The following WBP1L variants were observed in gnomAD, a reference collection of about 807,000 sequenced individuals.
WBP1L encodes the protein WW domain binding protein 1 like.
WBP1L carries 17 observed loss-of-function variants against 33.7 expected under a neutral mutation model. That is an observed-to-expected ratio of 0.50 (90% CI 0.34 to 0.76). The LOEUF (loss-of-function observed/expected upper bound fraction) is 0.76. WBP1L is among the 30% of genes least tolerant of loss of function. The probability of loss-of-function intolerance (pLI) is 0.01; values close to 1 mark genes in which losing one functional copy is unlikely to be tolerated. For synonymous variants in WBP1L, 173 were observed against 190.8 expected, an observed-to-expected ratio of 0.91 and a Z score of 0.77; for missense variants, 389 against 469.4, an observed-to-expected ratio of 0.83 and a Z score of 1.58.
chr10:102,797,900 G>A, intron 1 of WBP1L, 93 bp from the exon 2 acceptor site: 1 of 1,142,406 alleles, frequency 8.8e-7, no homozygotes, highest in Non-Finnish European at 1.3e-6. Context: ...TGTTTTGGGG[G>A]CTGGTGAATA....
At chr10:102,761,225 T>C (rs529287888) in intron 1 of WBP1L, among the ~76,000 whole-genome samples, 1 of 147,568 alleles carries the variant, frequency 6.8e-6, no homozygotes, top group African/African-American at 2.5e-5. Flanking sequence ...CTGCAGCCTC[T>C]ACCTCCTGGG....
chr10:102,807,930 G>T (rs1247969431), intron 2 of WBP1L, among the ~76,000 whole-genome samples: 1 of 151,818 alleles, frequency 6.6e-6, no homozygotes, highest in Admixed American at 6.6e-5. Flanking sequence ...GTTTTGGCCG[G>T]GCGCGGTGGC....
At chr10:102,744,267 C>T in intron 1 of WBP1L, 124 bp downstream of exon 1, 2 of 1,273,820 alleles carry the variant, frequency 1.6e-6, no homozygotes, top group South Asian at 1.7e-5. Flanking sequence ...CTATGCCTGG[C>T]GTGGACAGGA....
At chr10:102,764,972 G>T (rs1419321348) in intron 1 of WBP1L, among the ~76,000 whole-genome samples, 1 of 152,178 alleles carries the variant, frequency 6.6e-6, no homozygotes, top group Non-Finnish European at 1.5e-5. Context: ...AAAAACGATT[G>T]CTAGGGAGTT....
At chr10:102,810,118 A>G in intron 3 of WBP1L, 64 bp downstream of exon 3, 15 of 1,542,262 alleles carry the variant, frequency 9.7e-6, no homozygotes, top group Non-Finnish European at 1.2e-5. Flanking sequence ...CAGGGCTCAC[A>G]CTGAATATTG....
intron 3 of WBP1L, among the ~76,000 whole-genome samples, chr10:102,810,314 G>T (rs1380498841): frequency 6.6e-6 from 1 of 152,104 alleles, no homozygotes; most frequent in Non-Finnish European, 1.5e-5. Flanking sequence ...CTGGATCTCT[G>T]CTTCTTTAGC....
intron 1 of WBP1L, among the ~76,000 whole-genome samples, chr10:102,748,289 C>T (rs1212872208): frequency 2.0e-5 from 3 of 151,696 alleles, no homozygotes; most frequent in African/African-American, 7.3e-5. Flanking sequence ...CAAAAAAAAA[C>T]TTTGAGCTGG....
intron 1 of WBP1L, among the ~76,000 whole-genome samples, chr10:102,777,313 A>G (rs1313720891): frequency 2.0e-5 from 3 of 152,156 alleles, no homozygotes; most frequent in Admixed American, 2.0e-4. Context: ...AAAGCCACAG[A>G]TGAGCTCACA....
chr10:102,798,206 G>A, intron 2 of WBP1L, 111 bp downstream of exon 2: 1 of 863,182 alleles, frequency 1.2e-6, no homozygotes, highest in South Asian at 1.5e-5. Flanking sequence ...GGACAGTGTT[G>A]GTGAGTGGAA....
At chr10:102,755,818 G>C (rs1045177816) in intron 1 of WBP1L, among the ~76,000 whole-genome samples, 5 of 151,980 alleles carry the variant, frequency 3.3e-5, no homozygotes, top group Admixed American at 2.6e-4. Context: ...GGCCAAGGCA[G>C]GTGGATCACG....
intron 1 of WBP1L, among the ~76,000 whole-genome samples, chr10:102,747,050 C>T (rs1270953820): frequency 2.0e-5 from 3 of 152,108 alleles, no homozygotes; most frequent in Non-Finnish European, 2.9e-5. Context: ...AACTCACAGA[C>T]GTGAATCCTT....
At chr10:102,778,339 G>A (rs143771210) in intron 1 of WBP1L, among the ~76,000 whole-genome samples, 1 of 152,194 alleles carries the variant, frequency 6.6e-6, no homozygotes, top group East Asian at 1.9e-4. Context: ...GTGCAGTGAC[G>A]TACAGCTGGG....
chr10:102,761,858 T>C (rs1843046402), intron 1 of WBP1L, among the ~76,000 whole-genome samples: 2 of 151,966 alleles, frequency 1.3e-5, no homozygotes, highest in African/African-American at 4.8e-5. Context: ...CTTTAATGTT[T>C]AATTTTTTAG....
chr10:102,801,342 T>G (rs956707847), intron 2 of WBP1L, among the ~76,000 whole-genome samples: 5 of 152,204 alleles, frequency 3.3e-5, no homozygotes, highest in Admixed American at 3.3e-4. Context: ...TCTTGAACTT[T>G]AGCAGGCATC....
At position 102,816,088 on chromosome 10, in the gene WBP1L, T is replaced by C. The variant is rs1425426313; in HGVS notation, c.*2757T>C. ...TTGCAAATGCGAACACATTCCTGTG[T>C]GAGGCACGTTACCCTTTGTCAGTTA... On this transcript the variant is annotated 3_prime_UTR_variant, in exon 4 of 4. Coordinates refer to ENST00000448841, the MANE Select transcript of WBP1L (RefSeq NM_001083913.2). 1 of 152,630 alleles carries C rather than the reference T, an allele frequency of 6.6e-6. No individual in the cohort carries two copies. Among genetic ancestry groups the C allele is most frequent in the Non-Finnish European group, 1.5e-5 (1 of 68,028 alleles). 9.5% of individuals were successfully genotyped at this position (152,630 alleles called of 1,614,324 possible). A position where few individuals can be genotyped will look rare whatever the true frequency, so the allele number is the denominator to read the frequency against.
intron 1 of WBP1L, among the ~76,000 whole-genome samples, chr10:102,759,004 T>G (rs1299816824): frequency 6.6e-6 from 1 of 152,126 alleles, no homozygotes; most frequent in Non-Finnish European, 1.5e-5. Flanking sequence ...GGGAGGAGCA[T>G]GAAAGTGGAC....
intron 2 of WBP1L, among the ~76,000 whole-genome samples, chr10:102,808,895 T>G (rs1209463748): frequency 6.6e-6 from 1 of 152,090 alleles, no homozygotes; most frequent in African/African-American, 2.4e-5. Flanking sequence ...TGAAGCATTT[T>G]CTCAGAAATC....
chr10:102,765,986 C>T (rs1303286100), intron 1 of WBP1L, among the ~76,000 whole-genome samples: 1 of 152,184 alleles, frequency 6.6e-6, no homozygotes, highest in African/African-American at 2.4e-5. Context: ...GTTTAAATAA[C>T]AGTGAAAGAT....
intron 1 of WBP1L, among the ~76,000 whole-genome samples, chr10:102,755,577 A>C (rs1842965342): frequency 6.6e-6 from 1 of 151,240 alleles, no homozygotes; most frequent in African/African-American, 2.4e-5. Context: ...TTTTTATTAG[A>C]GATCGGGATT....
Sources: gnomAD v4.1 joint callset for allele counts (sites outside exome capture counted in the v4.1 genomes callset) on GRCh38, gnomAD v4.1.1 for gene constraint, MANE v1.5 for transcripts, NCBI Gene and HGNC (gene_info 2026-07-23, HGNC 2026-07-21) for gene names.